Variants in RAB38 observed in about 807,000 individuals in gnomAD.
The protein encoded by RAB38 is ras-related protein Rab-38.
Under a neutral mutation model 18.4 loss-of-function variants are expected in RAB38, and 15 were observed. The ratio of observed to expected loss-of-function variants is 0.82; its 90% CI spans 0.55 to 1.26. The LOEUF (loss-of-function observed/expected upper bound fraction) is 1.26, where lower values mean the gene tolerates loss of function less well. Among genes scored for constraint, RAB38 ranks in the 50% most tolerant of loss-of-function variants. The pLI is 0.00. For synonymous variants in RAB38, 101 were observed against 104.4 expected (o/e 0.97, Z 0.20); for missense variants, 294 against 267.4 (o/e 1.10, Z -0.69).
In RAB38 at chr11:88,175,410, G is replaced by C. The variant is rs369802770; in HGVS notation, c.-26C>G. 5 of 1,612,644 alleles carry C rather than the reference G, an allele frequency of 3.1e-6. No individual in the cohort carries two copies. In the African/African-American group the frequency reaches 4.0e-5, roughly 13 times the overall value. ...CCTGGCGGCCGGCCAGACGTGCCGT[G>C]CCTGACCAGGGAAGCGCAGCCTGGG... On this transcript the variant is annotated 5_prime_UTR_variant, in exon 1 of 3. Coordinates refer to ENST00000243662, the MANE Select transcript of RAB38 (RefSeq NM_022337.3).
At chr11:87,929,776 C>T in the RAB38 span, among the ~76,000 whole-genome samples, 3 of 140,896 alleles carry the variant, frequency 2.1e-5, no homozygotes, top group Non-Finnish European at 3.0e-5. Flanking sequence ...CATGTGTTCT[C>T]ATTGTTCAAT....
the RAB38 span, among the ~76,000 whole-genome samples, chr11:87,878,300 A>AT: frequency 3.6e-5 from 5 of 140,102 alleles, no homozygotes; most frequent in Non-Finnish European, 6.2e-5. Flanking sequence ...CTATCTATCT[A>AT]CCTATCATCT....
chr11:88,022,611 C>CCAAAAAA, the RAB38 span, among the ~76,000 whole-genome samples: 9 of 52,102 alleles, frequency 1.7e-4, no homozygotes, highest in African/African-American at 6.9e-4. Flanking sequence ...AAAGACCCCA[C>CCAAAAAA]AAAAAAAAAA....
the RAB38 span, among the ~76,000 whole-genome samples, chr11:87,904,383 C>T: frequency 2.6e-5 from 4 of 151,690 alleles, no homozygotes; most frequent in Admixed American, 2.6e-4. Context: ...AGGATAATGG[C>T]CTCCAGCTGC....
chr11:87,909,996 C>T, the RAB38 span, among the ~76,000 whole-genome samples: 3 of 152,096 alleles, frequency 2.0e-5, no homozygotes, highest in Admixed American at 6.6e-5. Context: ...TGTTTTTCAG[C>T]GTGGTTAGAC....
downstream of RAB38, among the ~76,000 whole-genome samples, chr11:88,108,676 C>G (rs973526847): frequency 1.3e-5 from 2 of 151,568 alleles, no homozygotes; most frequent in Non-Finnish European, 2.9e-5. Flanking sequence ...TGAATTTGAT[C>G]CTGTCATTAT....
At chr11:87,959,668 G>A in the RAB38 span, among the ~76,000 whole-genome samples, 4 of 152,172 alleles carry the variant, frequency 2.6e-5, no homozygotes, top group African/African-American at 9.6e-5. Context: ...GGGAATATGA[G>A]CAAAAGTAAT....
chr11:88,110,702 A>G (rs1942462193), downstream of RAB38, among the ~76,000 whole-genome samples: 1 of 151,778 alleles, frequency 6.6e-6, no homozygotes, highest in Non-Finnish European at 1.5e-5. Flanking sequence ...CTGTAGTCAT[A>G]GCTACTCGGG....
At chr11:87,826,534 T>G in the RAB38 span, among the ~76,000 whole-genome samples, 3 of 152,274 alleles carry the variant, frequency 2.0e-5, no homozygotes, top group Admixed American at 6.5e-5. Flanking sequence ...TAACTCTCCT[T>G]GGAAAAGACA....
the RAB38 span, among the ~76,000 whole-genome samples, chr11:87,907,213 G>A: frequency 1.3e-5 from 2 of 151,864 alleles, no homozygotes; most frequent in African/African-American, 2.4e-5. Flanking sequence ...TTCTAATACT[G>A]TATATTGTCA....
At chr11:88,083,837 C>A in the RAB38 span, among the ~76,000 whole-genome samples, 1 of 152,068 alleles carries the variant, frequency 6.6e-6, no homozygotes, top group South Asian at 2.1e-4. Flanking sequence ...CACACCGATG[C>A]TTAGATTTTG....
chr11:87,903,053 TC>T, the RAB38 span, among the ~76,000 whole-genome samples: 1 of 151,294 alleles, frequency 6.6e-6, no homozygotes, highest in South Asian at 2.1e-4. Flanking sequence ...ATTGATGTAT[TC>T]CCATTATTTA....
At chr11:87,864,364 A>G in the RAB38 span, among the ~76,000 whole-genome samples, 1 of 150,638 alleles carries the variant, frequency 6.6e-6, no homozygotes, top group African/African-American at 2.4e-5. Flanking sequence ...TGTTGATACA[A>G]TTCTCCCTCT....
the RAB38 span, among the ~76,000 whole-genome samples, chr11:87,875,440 A>G: frequency 6.6e-6 from 1 of 151,492 alleles, no homozygotes; most frequent in Non-Finnish European, 1.5e-5. Context: ...AAATAAAGAG[A>G]CTGTAGATGT....
the RAB38 span, among the ~76,000 whole-genome samples, chr11:88,047,097 A>C: frequency 7.9e-5 from 12 of 152,226 alleles, no homozygotes; most frequent in Admixed American, 6.5e-4. Context: ...ACTGTGCTCA[A>C]CTTACTCTCT....
the RAB38 span, among the ~76,000 whole-genome samples, chr11:87,977,658 T>C: frequency 8.5e-6 from 1 of 117,970 alleles, no homozygotes; most frequent in East Asian, 2.5e-4. Flanking sequence ...TTATACAGTA[T>C]ATAACTATAT....
chr11:87,945,501 CAG>C, the RAB38 span, among the ~76,000 whole-genome samples: 13 of 151,920 alleles, frequency 8.6e-5, no homozygotes, highest in Non-Finnish European at 1.8e-4. Flanking sequence ...GGGTAGAAAA[CAG>C]AGTAAAAGAG....
the RAB38 span, among the ~76,000 whole-genome samples, chr11:87,861,246 C>T: frequency 1.3e-5 from 2 of 151,908 alleles, no homozygotes; most frequent in African/African-American, 2.4e-5. Context: ...ACACCATACA[C>T]ATCTCAGTTG....
the RAB38 span, among the ~76,000 whole-genome samples, chr11:87,864,008 G>A: frequency 6.6e-6 from 1 of 151,642 alleles, no homozygotes; most frequent in Non-Finnish European, 1.5e-5. Flanking sequence ...GAGCTTTGCT[G>A]GGTGTGGTGG....
Sources: allele counts gnomAD v4.1 joint callset (sites outside exome capture counted in the v4.1 genomes callset), GRCh38; gene constraint gnomAD v4.1.1; transcripts MANE v1.5; gene names NCBI Gene and HGNC (gene_info 2026-07-23, HGNC 2026-07-21).